EPHB2: variants seen among roughly 807,000 people sequenced by gnomAD.
The protein encoded by EPHB2 is ephrin type-B receptor 2.
A neutral mutation model predicts 96.4 loss-of-function variants in EPHB2; 18 were observed. That is an observed-to-expected ratio of 0.19 (90% CI 0.13 to 0.28). The LOEUF is 0.28. Among genes scored for constraint, EPHB2 ranks in the 10% least tolerant of loss-of-function variants. EPHB2 has a pLI of 1.00. For synonymous variants in EPHB2, 506 were observed against 534.1 expected (o/e 0.95, Z 0.72); for missense variants, 989 against 1,355.4 (o/e 0.73, Z 4.25).
At chr1:22,912,315 C>T (rs902951078) in intron 14 of EPHB2, 129 bp from the exon 15 acceptor site, 4 of 1,329,694 alleles carry the variant, frequency 3.0e-6, no homozygotes, top group East Asian at 4.6e-5. Flanking sequence ...CGTACATACC[C>T]CTTCACCTGT....
chr1:22,806,434 ATGCTCAACAG>A (rs1203576551), intron 3 of EPHB2, among the ~76,000 whole-genome samples: 1 of 152,134 alleles, frequency 6.6e-6, no homozygotes, highest in Non-Finnish European at 1.5e-5. Context: ...CACATAGCAA[ATGCTCAACAG>A]TGCTTGCTGA....
At chr1:22,850,094 G>A (rs1240107978) in intron 3 of EPHB2, among the ~76,000 whole-genome samples, 8 of 152,320 alleles carry the variant, frequency 5.3e-5, no homozygotes, top group Admixed American at 1.3e-4. Context: ...GTCTCAGCCC[G>A]GAGGGGCTCC....
rs147106136 is a variant in EPHB2, at chr1:22,861,303, TCCAAAGC to T, written c.812-1730_812-1724del. Among the ~76,000 whole-genome samples, 1,514 of 152,106 alleles carry T rather than the reference TCCAAAGC, an allele frequency of 1.0e-2. 23 individuals carry two copies. Among genetic ancestry groups the T allele is most frequent in the African/African-American group, 0.035 (1,454 of 41,480 alleles). ...TCACTGCCCTCCTGCTTGCATGGCC[TCCAAAGC>T]CCATGCTCATTCCACTTAAGGAGGC... is the stretch of plus-strand genomic sequence containing the variant. On this transcript the variant is annotated intron_variant, in intron 3 of 15. Transcript: ENST00000374630.
At chr1:22,901,454 A>G (rs1198673158) in intron 9 of EPHB2, among the ~76,000 whole-genome samples, 4 of 151,908 alleles carry the variant, frequency 2.6e-5, no homozygotes, top group African/African-American at 9.7e-5. Context: ...CAGACCCAGA[A>G]CTCTGTACAC....
chr1:22,912,293 C>A, intron 14 of EPHB2, 151 bp from the exon 15 acceptor site: 2 of 1,119,128 alleles, frequency 1.8e-6, no homozygotes, highest in Non-Finnish European at 2.6e-6. Context: ...CGCAATCATG[C>A]AGAAATACTC....
intron 5 of EPHB2, 26 bp downstream of exon 5, chr1:22,865,238 G>A (rs772046057): frequency 2.5e-5 from 41 of 1,613,666 alleles, no homozygotes; most frequent in Non-Finnish European, 3.5e-5. Flanking sequence ...GTGGGCCAGG[G>A]GAGTGCCCCA....
At chr1:22,777,182 G>A (rs1644464621) in intron 1 of EPHB2, among the ~76,000 whole-genome samples, 1 of 152,186 alleles carries the variant, frequency 6.6e-6, no homozygotes, top group African/African-American at 2.4e-5. Flanking sequence ...TGAGGTACAA[G>A]GGTGAGAAAA....
chr1:22,891,030 T>C (rs568277477), intron 6 of EPHB2: 6 of 454,254 alleles, frequency 1.3e-5, no homozygotes, highest in African/African-American at 1.0e-4. Flanking sequence ...TCCCTCGGTA[T>C]GTGCTTACCC....
chr1:22,816,669 G>C (rs1009039212), intron 3 of EPHB2, among the ~76,000 whole-genome samples: 1 of 152,222 alleles, frequency 6.6e-6, no homozygotes, highest in Non-Finnish European at 1.5e-5. Flanking sequence ...CTCCAGGTCT[G>C]CGTTGCCTCC....
At chr1:22,768,810 T>TAC (rs1644340920) in intron 1 of EPHB2, among the ~76,000 whole-genome samples, 1 of 151,654 alleles carries the variant, frequency 6.6e-6, no homozygotes, top group Non-Finnish European at 1.5e-5. Flanking sequence ...CCGGCCTTTG[T>TAC]ACAAGCTGTT....
chr1:22,891,279 T>G (rs1440248714), intron 6 of EPHB2: 1 of 443,330 alleles, frequency 2.3e-6, no homozygotes, highest in South Asian at 1.6e-5. Flanking sequence ...CACTGAATCT[T>G]CATTGTTTTG....
At chr1:22,893,900 C>T (rs1227241018) in intron 7 of EPHB2, among the ~76,000 whole-genome samples, 1 of 152,216 alleles carries the variant, frequency 6.6e-6, no homozygotes, top group Non-Finnish European at 1.5e-5. Flanking sequence ...CAGTCAAACT[C>T]CAGGGTGACT....
chr1:22,882,327 C>G, intron 5 of EPHB2, 32 bp from the exon 6 acceptor site: 9 of 1,612,184 alleles, frequency 5.6e-6, no homozygotes, highest in Non-Finnish European at 7.6e-6. Flanking sequence ...TCTCATGCCT[C>G]CCTGATCCCT....
intron 7 of EPHB2, among the ~76,000 whole-genome samples, chr1:22,893,463 A>G (rs1231826295): frequency 3.9e-5 from 6 of 152,194 alleles, no homozygotes; most frequent in Non-Finnish European, 8.8e-5. Context: ...GTTCAGCAGG[A>G]AGAAGTTCTG....
chr1:22,812,549 G>A lies in EPHB2; in HGVS notation c.811+27473G>A, dbSNP rs114558025. Among the ~76,000 whole-genome samples the A allele has an allele frequency of 9.7e-3, 1,475 of 152,288 alleles. 23 individuals carry two copies. Among genetic ancestry groups the A allele is most frequent in the African/African-American group, 0.031 (1,305 of 41,556 alleles). Reference sequence around the variant, plus strand: ...ATTGGGGGCGGGGGCTGTGGAGAGCGAGACGTTGCCTGTGAAGGCAGGAGG... The same window carrying A: ...ATTGGGGGCGGGGGCTGTGGAGAGCAAGACGTTGCCTGTGAAGGCAGGAGG... On this transcript the variant is annotated intron_variant, in intron 3 of 15. Coordinates refer to ENST00000374630, the MANE Select transcript of EPHB2 (RefSeq NM_017449.5).
chr1:22,841,767 A>G lies in EPHB2; in HGVS notation c.812-21270A>G, dbSNP rs1316880934. Among the ~76,000 whole-genome samples the G allele has an allele frequency of 3.3e-5, 5 of 152,158 alleles. No individual in the cohort carries two copies. In the East Asian group the frequency reaches 7.7e-4, roughly 23 times the overall value. On this transcript the variant is annotated intron_variant, in intron 3 of 15. Coordinates refer to ENST00000374630, the MANE Select transcript of EPHB2 (RefSeq NM_017449.5). ...TCGGCCCCATGGTCACTCCTGCTGT[A>G]TATGTCACAGTGCCGGAAGTGTCCA...
chr1:22,874,826 T>C (rs1046094621), intron 5 of EPHB2, among the ~76,000 whole-genome samples: 9 of 152,208 alleles, frequency 5.9e-5, no homozygotes, highest in African/African-American at 2.2e-4. Flanking sequence ...TTTTTTGTTT[T>C]ATTTTTTTCA....
intron 6 of EPHB2, among the ~76,000 whole-genome samples, chr1:22,889,271 A>G (rs1022379373): frequency 5.3e-5 from 8 of 152,196 alleles, no homozygotes; most frequent in African/African-American, 1.4e-4. Flanking sequence ...TGAGGCACCT[A>G]TGGAACCAGC....
chr1:22,728,246 A>G (rs1643627969), intron 1 of EPHB2, among the ~76,000 whole-genome samples: 1 of 151,628 alleles, frequency 6.6e-6, no homozygotes, highest in Non-Finnish European at 1.5e-5. Context: ...GAATGAATGA[A>G]TAAGGAATAC....
Sources: gnomAD v4.1 joint callset for allele counts (sites outside exome capture counted in the v4.1 genomes callset) on GRCh38, gnomAD v4.1.1 for gene constraint, MANE v1.5 for transcripts, NCBI Gene and HGNC (gene_info 2026-07-23, HGNC 2026-07-21) for gene names.